FOXP2: variants seen among roughly 807,000 people sequenced by gnomAD.
FOXP2 encodes forkhead box protein P2.
FOXP2 carries 12 observed loss-of-function variants against 115.8 expected under a neutral mutation model. The ratio of observed to expected loss-of-function variants is 0.10; its 90% CI spans 0.07 to 0.17. The LOEUF (loss-of-function observed/expected upper bound fraction) is 0.17, where lower values mean the gene tolerates loss of function less well. FOXP2 is among the 10% of genes least tolerant of loss of function. FOXP2 has a pLI of 1.00. For synonymous variants in FOXP2, 328 were observed against 297.7 expected, an observed-to-expected ratio of 1.10 and a Z score of -1.05; for missense variants, 629 against 843.5, an observed-to-expected ratio of 0.75 and a Z score of 3.15.
At chr7:114,619,390 A>G (rs1270414777) in intron 3 of FOXP2, among the ~76,000 whole-genome samples, 3 of 152,158 alleles carry the variant, frequency 2.0e-5, no homozygotes, top group Non-Finnish European at 4.4e-5. Flanking sequence ...TTAATACATC[A>G]TATGAGGAGA....
intron 2 of FOXP2, among the ~76,000 whole-genome samples, chr7:114,373,384 G>A (rs1045185410): frequency 2.6e-5 from 4 of 152,028 alleles, no homozygotes; most frequent in African/African-American, 9.7e-5. Context: ...TTTACGTACT[G>A]TGTTGGATTA....
chr7:114,221,797 G>T (rs1563011474), intron 1 of FOXP2, among the ~76,000 whole-genome samples: 1 of 152,104 alleles, frequency 6.6e-6, no homozygotes, highest in Non-Finnish European at 1.5e-5. Flanking sequence ...AGTTAATGAG[G>T]CTCTAAGACT....
intron 1 of FOXP2, among the ~76,000 whole-genome samples, chr7:114,112,966 A>C (rs1018720793): frequency 6.6e-6 from 1 of 152,202 alleles, no homozygotes; most frequent in Non-Finnish European, 1.5e-5. Flanking sequence ...AGTACAAAAA[A>C]TTCAGATTAA....
chr7:114,684,077 C>T (rs1314209786), intron 16 of FOXP2, among the ~76,000 whole-genome samples: 2 of 152,070 alleles, frequency 1.3e-5, no homozygotes, highest in Non-Finnish European at 2.9e-5. Context: ...CAGGGTCTTG[C>T]TTTGTTGCCC....
intron 2 of FOXP2, among the ~76,000 whole-genome samples, chr7:114,465,751 T>G (rs1036281376): frequency 9.2e-5 from 14 of 152,210 alleles, no homozygotes; most frequent in Non-Finnish European, 5.9e-5. Context: ...TAGCACACTT[T>G]GGGAAGCGAG....
At chr7:114,440,569 C>A (rs1372982324) in intron 2 of FOXP2, among the ~76,000 whole-genome samples, 1 of 152,074 alleles carries the variant, frequency 6.6e-6, no homozygotes, top group East Asian at 1.9e-4. Flanking sequence ...GTTCTGAGAT[C>A]AGAAAATGAC....
intron 2 of FOXP2, among the ~76,000 whole-genome samples, chr7:114,322,614 G>A (rs1584635408): frequency 6.6e-6 from 1 of 151,984 alleles, no homozygotes. Flanking sequence ...TGCAGACAAG[G>A]AAACTGAGAC....
In FOXP2 at chr7:114,147,899, G is replaced by T. The variant is rs1792418908; in HGVS notation, c.-246-15045G>T. Among the ~76,000 whole-genome samples, 2 of 152,118 alleles carry T rather than the reference G, an allele frequency of 1.3e-5. 1 individual carries two copies. Among genetic ancestry groups the T allele is most frequent in the South Asian group, 4.1e-4 (2 of 4,832 alleles). Reference sequence around the variant, plus strand: ...AATTCTCAAAGCTGTTTATATGGTTGAGCCTTGCCACACAGTAGGTACCAT... The same window carrying T: ...AATTCTCAAAGCTGTTTATATGGTTTAGCCTTGCCACACAGTAGGTACCAT... On this transcript the variant is annotated intron_variant, in intron 1 of 19. Coordinates refer to the FOXP2 transcript ENST00000635638.
chr7:114,311,065 T>C (rs1431048514), intron 2 of FOXP2, among the ~76,000 whole-genome samples: 2 of 152,138 alleles, frequency 1.3e-5, no homozygotes, highest in East Asian at 3.9e-4. Context: ...AAGTTGCGGA[T>C]CACCAGTTTC....
intron 1 of FOXP2, among the ~76,000 whole-genome samples, chr7:114,207,198 A>C (rs770520868): frequency 7.2e-5 from 11 of 152,102 alleles, no homozygotes; most frequent in Non-Finnish European, 1.3e-4. Context: ...GTTTTTATTT[A>C]TCCATTCGGT....
Position 114,553,086 on chromosome 7 carries a change from CA to C in FOXP2, c.258+18383del, listed in dbSNP as rs1239156754. On this transcript the variant is annotated intron_variant, in intron 3 of 16. Transcript: ENST00000350908. ...TACTGTGAAATTAAAAAAAAACTGA[CA>C]AAGTATTTTAGGAAAAACCCTTGAT... Among the ~76,000 whole-genome samples the C allele has an allele frequency of 3.3e-5, 5 of 152,056 alleles. No homozygotes were observed. The East Asian group carries it at 9.7e-4, about 29-fold the overall frequency.
At chr7:114,333,331 C>A (rs1032791411) in intron 2 of FOXP2, among the ~76,000 whole-genome samples, 5 of 152,190 alleles carry the variant, frequency 3.3e-5, no homozygotes, top group African/African-American at 1.2e-4. Flanking sequence ...GCTTAATAAA[C>A]CACATCTACT....
rs559347815 is a variant in FOXP2, at chr7:114,689,881, C to T, written c.2103C>T (p.Asp701=). ...TTANHSPELE[D]DREIEEEPLS... ...CTAATCACAGTCCAGAATTAGAAGA[C>T]GACAGAGAGATTGAAGAAGAGCCTT... Residue 701 remains aspartate, a synonymous_variant, in exon 17 of 17, where the codon GAC becomes GAT. Coordinates refer to ENST00000350908, the MANE Select transcript of FOXP2 (RefSeq NM_014491.4). 9.2e-5 allele frequency: 148 copies of T among 1,613,346 alleles called. No homozygotes were observed. The highest frequency in any genetic ancestry group is 1.6e-4 in the African/African-American group (12 of 74,952).
intron 3 of FOXP2, among the ~76,000 whole-genome samples, chr7:114,627,419 T>A (rs1804650820): frequency 1.3e-5 from 2 of 152,156 alleles, no homozygotes; most frequent in Admixed American, 1.3e-4. Flanking sequence ...GGTTGCAAAC[T>A]TGGAAAGTTG....
At chr7:114,599,934 C>T (rs1802932002) in intron 3 of FOXP2, among the ~76,000 whole-genome samples, 1 of 152,030 alleles carries the variant, frequency 6.6e-6, no homozygotes, top group Admixed American at 6.6e-5. Flanking sequence ...CCTTATACTC[C>T]CTCTTCCACT....
intron 2 of FOXP2, among the ~76,000 whole-genome samples, chr7:114,467,967 C>T (rs982126066): frequency 4.6e-5 from 7 of 152,086 alleles, no homozygotes; most frequent in Admixed American, 6.6e-5. Flanking sequence ...AAATGCTACT[C>T]GTCCCCAAAG....
chr7:114,450,747 G>A (rs1279547627), intron 2 of FOXP2, among the ~76,000 whole-genome samples: 1 of 151,990 alleles, frequency 6.6e-6, no homozygotes, highest in Non-Finnish European at 1.5e-5. Flanking sequence ...AAAAGGCTAT[G>A]AGATTTCTTT....
upstream of FOXP2, among the ~76,000 whole-genome samples, chr7:114,158,281 A>G (rs145098634): frequency 2.7e-3 from 418 of 152,258 alleles, no homozygotes; most frequent in African/African-American, 9.5e-3. Context: ...AGGCTAGCCC[A>G]TCCATTTAAC....
intron 2 of FOXP2, among the ~76,000 whole-genome samples, chr7:114,330,079 A>G (rs1797663065): frequency 6.6e-6 from 1 of 152,148 alleles, no homozygotes; most frequent in African/African-American, 2.4e-5. Context: ...ACAATGAGTA[A>G]TTCTTGTTGC....
Sources: gnomAD v4.1 joint callset for allele counts (sites outside exome capture counted in the v4.1 genomes callset) on GRCh38, gnomAD v4.1.1 for gene constraint, MANE v1.5 for transcripts, NCBI Gene and HGNC (gene_info 2026-07-23, HGNC 2026-07-21) for gene names.